The following ADK variants were observed in gnomAD, a reference collection of about 807,000 sequenced individuals.
ADK encodes the protein N6,N6-dimethyladenosine kinase.
Under a neutral mutation model 44.7 loss-of-function variants are expected in ADK, and 24 were observed. The observed-to-expected ratio is 0.54, with a 90% CI of 0.39 to 0.76. ADK has a LOEUF of 0.76. Among genes scored for constraint, ADK ranks in the 30% least tolerant of loss-of-function variants. ADK has a pLI of 0.00. For synonymous variants in ADK, 128 were observed against 142.6 expected (o/e 0.90, Z 0.73); for missense variants, 321 against 425.1 (o/e 0.76, Z 2.15).
intron 4 of ADK, among the ~76,000 whole-genome samples, chr10:74,386,203 A>G (rs758735395): frequency 5.3e-4 from 80 of 152,002 alleles, no homozygotes; most frequent in Non-Finnish European, 6.6e-4. Context: ...CAGTTTTGAC[A>G]TTTAATTTCT....
chr10:74,666,712 C>T (rs757178205), intron 9 of ADK, among the ~76,000 whole-genome samples: 8 of 152,024 alleles, frequency 5.3e-5, no homozygotes, highest in Admixed American at 1.3e-4. Flanking sequence ...GGTTGAATAA[C>T]GTCCTTACCT....
intron 1 of ADK, among the ~76,000 whole-genome samples, chr10:74,173,762 G>T (rs1842237196): frequency 6.6e-6 from 1 of 152,122 alleles, no homozygotes; most frequent in Non-Finnish European, 1.5e-5. Context: ...CAAATCAAAG[G>T]TAGGTGTTAC....
chr10:74,547,627 G>A (rs1328032064), intron 7 of ADK, among the ~76,000 whole-genome samples: 43 of 147,938 alleles, frequency 2.9e-4, no homozygotes, highest in African/African-American at 6.5e-4. Context: ...GAATACAGGC[G>A]CGCACCACCA....
intron 9 of ADK, among the ~76,000 whole-genome samples, chr10:74,618,101 T>TATG (rs35801937): frequency 0.22 from 33,152 of 149,722 alleles, 4,870 homozygotes; most frequent in African/African-American, 0.4. Context: ...TCTGTGTTCT[T>TATG]ATATGACTTT....
intron 6 of ADK, among the ~76,000 whole-genome samples, chr10:74,503,895 A>G (rs1251110091): frequency 6.6e-6 from 1 of 152,158 alleles, no homozygotes; most frequent in Non-Finnish European, 1.5e-5. Context: ...TCATCTTGTC[A>G]GGGTCCATCT....
chr10:74,195,427 A>T (rs922917522), intron 1 of ADK, among the ~76,000 whole-genome samples: 3 of 151,582 alleles, frequency 2.0e-5, no homozygotes, highest in Non-Finnish European at 2.9e-5. Context: ...TTTGAAAATA[A>T]TTGTATCTTT....
intron 6 of ADK, among the ~76,000 whole-genome samples, chr10:74,505,901 G>A (rs1233793305): frequency 3.3e-5 from 5 of 152,086 alleles, no homozygotes; most frequent in East Asian, 1.9e-4. Flanking sequence ...TGGGTGACCC[G>A]GGGCATTGTT....
intron 6 of ADK, among the ~76,000 whole-genome samples, chr10:74,482,751 TC>T (rs1264482253): frequency 6.6e-6 from 1 of 152,192 alleles, no homozygotes; most frequent in African/African-American, 2.4e-5. Context: ...CCCATGCAAG[TC>T]CGAAACCCAG....
intron 3 of ADK, among the ~76,000 whole-genome samples, chr10:74,225,674 C>T (rs1030812166): frequency 1.2e-4 from 18 of 152,114 alleles, no homozygotes; most frequent in Non-Finnish European, 4.4e-5. Flanking sequence ...GCGTTCTTAC[C>T]GTTTACACAT....
At chr10:74,289,465 T>C (rs1847319594) in intron 3 of ADK, among the ~76,000 whole-genome samples, 3 of 152,162 alleles carry the variant, frequency 2.0e-5, no homozygotes, top group Non-Finnish European at 2.9e-5. Context: ...TAAGCAAAGA[T>C]AGCCTGGGAC....
intron 6 of ADK, among the ~76,000 whole-genome samples, chr10:74,451,699 A>G (rs560493820): frequency 1.7e-4 from 26 of 152,262 alleles, no homozygotes; most frequent in African/African-American, 6.3e-4. Flanking sequence ...CCATCTGTCA[A>G]AAGATTCAGT....
At position 74,445,323 on chromosome 10, in the gene ADK, A is replaced by G. The variant is rs1845556788; in HGVS notation, c.555+46744A>G. ...TGTTCCTATAATTAATTTCAGTATT[A>G]ACACCTTATGTTTCTTATTATTCAT... On this transcript the variant is annotated intron_variant, in intron 6 of 10. Coordinates refer to ENST00000539909, the MANE Select transcript of ADK (RefSeq NM_006721.4). Among the ~76,000 whole-genome samples the G allele has an allele frequency of 2.6e-5, 4 of 152,104 alleles. No homozygotes were observed. In the South Asian group the frequency reaches 8.3e-4, roughly 32 times the overall value.
chr10:74,339,403 C>T (rs1564662202), intron 4 of ADK, among the ~76,000 whole-genome samples: 2 of 152,158 alleles, frequency 1.3e-5, no homozygotes, highest in Admixed American at 6.5e-5. Flanking sequence ...TGAAGTGAAA[C>T]GTTTGGTAAT....
intron 4 of ADK, among the ~76,000 whole-genome samples, chr10:74,353,627 G>T (rs1842040911): frequency 6.6e-6 from 1 of 150,776 alleles, no homozygotes; most frequent in Admixed American, 6.6e-5. Context: ...CCAGCACTTT[G>T]GGAGGCTGAG....
chr10:74,239,340 A>G (rs1197819287), intron 3 of ADK, among the ~76,000 whole-genome samples: 1 of 152,100 alleles, frequency 6.6e-6, no homozygotes, highest in African/African-American at 2.4e-5. Context: ...CCGTTAGATG[A>G]AAAGTATTAT....
chr10:74,672,420 G>A (rs1855224138), intron 10 of ADK, among the ~76,000 whole-genome samples: 1 of 152,156 alleles, frequency 6.6e-6, no homozygotes, highest in Non-Finnish European at 1.5e-5. Flanking sequence ...ATCATGGGCA[G>A]CTTCCTCACT....
At chr10:74,327,987 C>A (rs1406426331) in intron 4 of ADK, among the ~76,000 whole-genome samples, 1 of 152,204 alleles carries the variant, frequency 6.6e-6, no homozygotes, top group Non-Finnish European at 1.5e-5. Context: ...CAGCTCACTG[C>A]AACCTCCACC....
At chr10:74,552,901 G>A (rs1589241532) in intron 7 of ADK, among the ~76,000 whole-genome samples, 1 of 152,256 alleles carries the variant, frequency 6.6e-6, no homozygotes, top group East Asian at 1.9e-4. Flanking sequence ...TCATCCACTT[G>A]AATGGTTAAA....
At chr10:74,548,683 A>G (rs1849923529) in intron 7 of ADK, among the ~76,000 whole-genome samples, 1 of 152,226 alleles carries the variant, frequency 6.6e-6, no homozygotes, top group Non-Finnish European at 1.5e-5. Flanking sequence ...CCTCCAAAAC[A>G]AGAGTGAACA....
Sources: allele counts gnomAD v4.1 joint callset (sites outside exome capture counted in the v4.1 genomes callset), GRCh38; gene constraint gnomAD v4.1.1; transcripts MANE v1.5; gene names NCBI Gene and HGNC (gene_info 2026-07-23, HGNC 2026-07-21).